The following ITPRIP variants were observed in gnomAD, a reference collection of about 807,000 sequenced individuals.
ITPRIP encodes inositol 1,4,5-trisphosphate receptor interacting protein, also known as inositol 1,4,5-trisphosphate receptor-interacting protein.
Under a neutral mutation model 35.8 loss-of-function variants are expected in ITPRIP, and 32 were observed. The ratio of observed to expected loss-of-function variants is 0.89; its 90% CI spans 0.68 to 1.20. The LOEUF is 1.20. Ranked by LOEUF, ITPRIP falls within the 50% of genes most tolerant of loss-of-function variation. The pLI is 0.00. For synonymous variants in ITPRIP, 358 were observed against 324.0 expected (o/e 1.11, Z -1.13); for missense variants, 653 against 735.6 (o/e 0.89, Z 1.30).
chr10:104,329,675 A>G (rs1465130755), intron 1 of ITPRIP, among the ~76,000 whole-genome samples: 1 of 152,110 alleles, frequency 6.6e-6, no homozygotes, highest in Non-Finnish European at 1.5e-5. Flanking sequence ...AGAGCTTAAC[A>G]GTTTGCAGAG....
intron 1 of ITPRIP, among the ~76,000 whole-genome samples, chr10:104,337,875 G>C (rs1192633332): frequency 1.3e-5 from 2 of 152,210 alleles, no homozygotes; most frequent in Non-Finnish European, 2.9e-5. Flanking sequence ...GCTCTGCTCA[G>C]ATGTGAGAAG....
In ITPRIP at chr10:104,330,094, A is replaced by C. The variant is rs544987674; in HGVS notation, c.-14+8152T>G. 9.2e-5 allele frequency among the ~76,000 whole-genome samples: 14 copies of C among 152,262 alleles called. No individual in the cohort carries two copies. In the South Asian group the frequency reaches 2.9e-3, roughly 32 times the overall value. On this transcript the variant is annotated intron_variant, in intron 1 of 1. Transcript: ENST00000337478. ...AGCAGCACCCTCCCTTACTCCCTCCAATCTGGCATCATTGACACTGACAGC... is the reference window on the plus strand; with the variant it reads ...AGCAGCACCCTCCCTTACTCCCTCCCATCTGGCATCATTGACACTGACAGC...
intron 1 of ITPRIP, among the ~76,000 whole-genome samples, chr10:104,335,728 G>A (rs2014221259): frequency 6.6e-6 from 1 of 152,162 alleles, no homozygotes; most frequent in African/African-American, 2.4e-5. Flanking sequence ...TTTCCCACGA[G>A]GGTTCCCAAT....
intron 1 of ITPRIP, among the ~76,000 whole-genome samples, chr10:104,336,591 A>C (rs528150745): frequency 5.1e-5 from 3 of 58,324 alleles, no homozygotes; most frequent in East Asian, 6.1e-4. Flanking sequence ...CCTAGCTCCA[A>C]CCAAGTGATC....
At position 104,314,711 on chromosome 10, in the gene ITPRIP, G is replaced by C. The variant is rs777652762; in HGVS notation, c.1341C>G (p.Ala447=). 4.3e-6 allele frequency: 7 copies of C among 1,613,744 alleles called. No individual in the cohort carries two copies. Among genetic ancestry groups the C allele is most frequent in the South Asian group, 1.1e-5 (1 of 91,080 alleles). ...CGTCCAGCTGCCCCGCCTTCCAGTCGGCGGCCTGCCGGAGGAGTAGGAGGT... is the reference window on the plus strand; with the variant it reads ...CGTCCAGCTGCCCCGCCTTCCAGTCCGCGGCCTGCCGGAGGAGTAGGAGGT... The part of the protein sequence containing the change: ...LLHLLLLRQA[A]DWKAGQLDAR... The change falls in exon 2 of 2, where the codon GCC becomes GCG. Residue 447 remains alanine, a synonymous_variant. Coordinates refer to ENST00000337478, the MANE Select transcript of ITPRIP (RefSeq NM_001272013.2).
In ITPRIP at chr10:104,312,556, G is replaced by A; in HGVS notation, c.*1852C>T. ...CCAGGCTGCTGTTAGGGACACACTT[G>A]AGCTGGTTCATTCCCTGGAGTGCCC... On this transcript the variant is annotated 3_prime_UTR_variant, in exon 2 of 2. Transcript: ENST00000337478. 1.1e-6 allele frequency: 1 copy of A among 924,110 alleles called. No individual in the cohort carries two copies. Among genetic ancestry groups the A allele is most frequent in the Non-Finnish European group, 1.3e-6 (1 of 773,740 alleles). 57.2% of individuals were successfully genotyped at this position (924,110 alleles called of 1,614,324 possible).
chr10:104,335,082 A>G (rs920904264), intron 1 of ITPRIP, among the ~76,000 whole-genome samples: 1 of 152,082 alleles, frequency 6.6e-6, no homozygotes, highest in Non-Finnish European at 1.5e-5. Flanking sequence ...GGTAAACACC[A>G]CCCTCTGAGC....
chr10:104,316,376 C>G (rs2013690942), intron 1 of ITPRIP, among the ~76,000 whole-genome samples: 1 of 152,200 alleles, frequency 6.6e-6, no homozygotes, highest in Non-Finnish European at 1.5e-5. Context: ...CCTCCAAGCT[C>G]CTGGGGTGGG....
chr10:104,312,074 C>T lies in ITPRIP; in HGVS notation c.*2334G>A, dbSNP rs564412931. On this transcript the variant is annotated 3_prime_UTR_variant, in exon 2 of 2. Coordinates refer to ENST00000337478, the MANE Select transcript of ITPRIP (RefSeq NM_001272013.2). ...CAATAGGAAATCCACCCCCCTGTCCCCAACTCTGCCCTGGGAGCCTCACAG... is the reference window on the plus strand; with the variant it reads ...CAATAGGAAATCCACCCCCCTGTCCTCAACTCTGCCCTGGGAGCCTCACAG... 6.6e-6 allele frequency: 1 copy of T among 152,180 alleles called. No individual in the cohort carries two copies. The highest frequency in any genetic ancestry group is 1.5e-5 in the Non-Finnish European group (1 of 68,038). 9.4% of individuals were successfully genotyped at this position (152,180 alleles called of 1,614,324 possible). A position where few individuals can be genotyped will look rare whatever the true frequency, so the allele number is the denominator to read the frequency against.
chr10:104,336,953 A>G (rs2014246839), intron 1 of ITPRIP, among the ~76,000 whole-genome samples: 1 of 152,206 alleles, frequency 6.6e-6, no homozygotes, highest in Non-Finnish European at 1.5e-5. Flanking sequence ...GCACCCAGGG[A>G]GAGCAGAGAG....
intron 1 of ITPRIP, among the ~76,000 whole-genome samples, chr10:104,317,216 A>G (rs2013715483): frequency 6.6e-6 from 1 of 152,226 alleles, no homozygotes; most frequent in Non-Finnish European, 1.5e-5. Context: ...ATTTCTTCTT[A>G]CCAGGCATGT....
intron 1 of ITPRIP, among the ~76,000 whole-genome samples, chr10:104,318,914 G>T (rs1343773601): frequency 6.6e-6 from 1 of 152,266 alleles, no homozygotes. Context: ...GAACTGCGAT[G>T]GGATGGAAAT....
intron 1 of ITPRIP, among the ~76,000 whole-genome samples, chr10:104,323,050 C>T (rs1394350830): frequency 6.6e-6 from 1 of 152,128 alleles, no homozygotes; most frequent in Non-Finnish European, 1.5e-5. Context: ...ATTTAGGTTT[C>T]TTTATTTTAC....
rs1475521023 is a variant in ITPRIP, at chr10:104,326,549, C to G, written c.-13-10485G>C. On this transcript the variant is annotated intron_variant, in intron 1 of 1. Transcript: ENST00000337478. This position sits in a 1 kb window ranked among gnomAD's most constrained non-coding sequence, Gnocchi z 4.8. ...CAGTAGCAGAGACAAGGAGGGGGCT[C>G]CCCTGCAACCCCTGAGCTCTGGCCC... is the stretch of plus-strand genomic sequence containing the variant. 6.6e-6 allele frequency: 1 copy of G among 152,250 alleles called. No individual in the cohort carries two copies. Among genetic ancestry groups the G allele is most frequent in the South Asian group, 2.1e-4 (1 of 4,836 alleles). The allele number at this position is 152,250 out of a possible 1,614,324, so 9.4% of individuals were successfully genotyped here. A position where few individuals can be genotyped will look rare whatever the true frequency, so the allele number is the denominator to read the frequency against.
chr10:104,321,349 A>C (rs1253841995), intron 1 of ITPRIP, among the ~76,000 whole-genome samples: 2 of 152,124 alleles, frequency 1.3e-5, no homozygotes, highest in Non-Finnish European at 2.9e-5. Flanking sequence ...GTTCACAGCT[A>C]AACTTAGCCT....
chr10:104,333,715 A>G lies in ITPRIP; in HGVS notation c.-14+4531T>C, dbSNP rs1382373807. On this transcript the variant is annotated intron_variant, in intron 1 of 1. Coordinates refer to ENST00000337478, the MANE Select transcript of ITPRIP (RefSeq NM_001272013.2). This position sits in a 1 kb window ranked among gnomAD's most constrained non-coding sequence, Gnocchi z 4.1. The stretch of plus-strand genomic sequence containing the variant: ...AGTCAGCCAAAAGATCAGGATGAGC[A>G]GCTCCAAACAAACTGCTGGAAAGAC... The G allele has an allele frequency of 6.6e-6, 1 of 152,334 alleles. No individual in the cohort carries two copies. The highest frequency in any genetic ancestry group is 1.9e-4 in the East Asian group (1 of 5,196). The allele number at this position is 152,334 out of a possible 1,614,324, so 9.4% of individuals were successfully genotyped here. A position where few individuals can be genotyped will look rare whatever the true frequency, so the allele number is the denominator to read the frequency against.
At position 104,314,729 on chromosome 10, in the gene ITPRIP, T is replaced by G; in HGVS notation, c.1323A>C (p.Leu441=). ...TCCAGTCGGCGGCCTGCCGGAGGAG[T>G]AGGAGGTGCAGTAGGGCCGTCTTCA... ...YHLKTALLHL[L]LLRQAADWKA... Residue 441 remains leucine, a synonymous_variant, in exon 2 of 2, where the codon CTA becomes CTC. Coordinates refer to ENST00000337478, the MANE Select transcript of ITPRIP (RefSeq NM_001272013.2). 1.2e-6 allele frequency: 2 copies of G among 1,612,790 alleles called. No individual in the cohort carries two copies. Among genetic ancestry groups the G allele is most frequent in the Non-Finnish European group, 1.7e-6 (2 of 1,179,624 alleles).
rs992140129 is a variant in ITPRIP, at chr10:104,314,236, C to T, written c.*172G>A. The T allele has an allele frequency of 1.5e-5, 21 of 1,427,216 alleles. No individual in the cohort carries two copies. In the Admixed American group the frequency reaches 3.0e-4, roughly 20 times the overall value. The allele number at this position is 1,427,216 out of a possible 1,614,324, so 88.4% of individuals were successfully genotyped here. A position where few individuals can be genotyped will look rare whatever the true frequency, so the allele number is the denominator to read the frequency against. Reference sequence around the variant, plus strand: ...AATGGTATGAAGCAAACCAGCTTCCCGTTGAAATTCTGTTTCCTCTGCACT... The same window carrying T: ...AATGGTATGAAGCAAACCAGCTTCCTGTTGAAATTCTGTTTCCTCTGCACT... On this transcript the variant is annotated 3_prime_UTR_variant, in exon 2 of 2. Coordinates refer to ENST00000337478, the MANE Select transcript of ITPRIP (RefSeq NM_001272013.2).
In ITPRIP at chr10:104,315,980, C is replaced by T. The variant is rs772932321; in HGVS notation, c.72G>A (p.Pro24=). 3.5e-5 allele frequency: 57 copies of T among 1,612,842 alleles called. No individual in the cohort carries two copies. The highest frequency in any genetic ancestry group is 8.3e-5 in the Admixed American group (5 of 59,908). The change falls in exon 2 of 2, where the codon CCG becomes CCA. Residue 24 remains proline (P), a synonymous_variant. Transcript: ENST00000337478. The surrounding 1 kb of genome is among the most constrained non-coding windows in gnomAD (Gnocchi z 5.7). The part of the protein sequence containing the change: ...TAIINHPLLF[P]RENATVPENE... ...TCTCGGGGACTGTGGCGTTCTCCCG[C>T]GGGAACAGCAGCGGGTGGTTGATGA...
Sources: gnomAD v4.1 joint callset for allele counts (sites outside exome capture counted in the v4.1 genomes callset) on GRCh38, gnomAD v4.1.1 for gene constraint, Gnocchi (gnomAD v3.1) non-coding constraint, MANE v1.5 for transcripts, NCBI Gene and HGNC (gene_info 2026-07-23, HGNC 2026-07-21) for gene names.